The following NCAM1 variants were observed in gnomAD, a reference collection of about 807,000 sequenced individuals.
NCAM1 encodes the protein neural cell adhesion molecule 1.
In NCAM1, 14 loss-of-function variants were observed where a neutral mutation model predicts 109.8. The observed-to-expected ratio is 0.13, with a 90% CI of 0.08 to 0.20. The LOEUF is 0.20. Ranked by LOEUF, NCAM1 falls within the 10% of genes least tolerant of loss-of-function variation. NCAM1 has a pLI of 1.00. For missense variants in NCAM1, 774 were observed against 1,109.9 expected (o/e 0.70, Z 4.30); for synonymous variants, 418 against 442.9 (o/e 0.94, Z 0.70).
chr11:113,222,828 AG>A (rs1165296235), intron 9 of NCAM1, among the ~76,000 whole-genome samples: 1 of 152,202 alleles, frequency 6.6e-6, no homozygotes, highest in Non-Finnish European at 1.5e-5. Context: ...TCTGTTTTTC[AG>A]AAGTGTCCTT....
At chr11:113,127,915 CAA>C (rs1271811601) in intron 1 of NCAM1, among the ~76,000 whole-genome samples, 3 of 152,148 alleles carry the variant, frequency 2.0e-5, no homozygotes, top group Non-Finnish European at 4.4e-5. Context: ...ACCTGTCCCA[CAA>C]AGGACTGGGC....
intron 1 of NCAM1, among the ~76,000 whole-genome samples, chr11:113,135,763 G>A (rs781786519): frequency 8.5e-5 from 13 of 152,170 alleles, no homozygotes; most frequent in Admixed American, 2.0e-4. Flanking sequence ...TCCACTTACC[G>A]ATTAGACTGT....
rs570821255 is a variant in NCAM1, at chr11:113,019,748, A to G, written c.52+58084A>G. Among the ~76,000 whole-genome samples, 3 of 152,336 alleles carry G rather than the reference A, an allele frequency of 2.0e-5. No homozygotes were observed. In the East Asian group the frequency reaches 5.8e-4, roughly 29 times the overall value. ...TACAATTTCTAGTCACCATAGACAC[A>G]TAAGATTTCATATGTCCAATATAGA... On this transcript the variant is annotated intron_variant, in intron 1 of 19. Coordinates refer to ENST00000316851, the MANE Select transcript of NCAM1 (RefSeq NM_181351.5).
chr11:113,142,284 G>A (rs1555100602), intron 1 of NCAM1, among the ~76,000 whole-genome samples: 1 of 152,156 alleles, frequency 6.6e-6, no homozygotes, highest in African/African-American at 2.4e-5. Flanking sequence ...TGTCACATGA[G>A]CAGGCTTTTT....
At chr11:113,260,658 T>C (rs1945965015) in intron 17 of NCAM1, among the ~76,000 whole-genome samples, 1 of 152,182 alleles carries the variant, frequency 6.6e-6, no homozygotes, top group Non-Finnish European at 1.5e-5. Flanking sequence ...GGATCCTTTT[T>C]TGAGACCTTA....
intron 7 of NCAM1, among the ~76,000 whole-genome samples, chr11:113,210,770 TCACAAACACA>T (rs1422531645): frequency 1.2e-5 from 1 of 81,530 alleles, no homozygotes; most frequent in African/African-American, 4.6e-5. Context: ...CCCCTCTTCA[TCACAAACACA>T]CACACACACA....
chr11:112,973,296 T>C (rs1950929842), intron 1 of NCAM1, among the ~76,000 whole-genome samples: 1 of 152,124 alleles, frequency 6.6e-6, no homozygotes, highest in African/African-American at 2.4e-5. Flanking sequence ...AGGCTGCCAG[T>C]CACCAGTTAA....
At chr11:113,209,763 C>T (rs961689391) in intron 7 of NCAM1, among the ~76,000 whole-genome samples, 25 of 152,154 alleles carry the variant, frequency 1.6e-4, no homozygotes, top group East Asian at 3.8e-4. Context: ...AGATAGTCAA[C>T]GCTGGAATTT....
At chr11:113,263,911 C>T in intron 17 of NCAM1, 1 of 985,542 alleles carries the variant, frequency 1.0e-6, no homozygotes, top group Non-Finnish European at 1.2e-6. Context: ...GCCGAGCCAA[C>T]CTGTCAGTGC....
chr11:113,001,857 G>A (rs1024287062), intron 1 of NCAM1, among the ~76,000 whole-genome samples: 2 of 152,112 alleles, frequency 1.3e-5, no homozygotes, highest in African/African-American at 4.8e-5. Context: ...CGGGATACAG[G>A]TGGATAGATG....
intron 1 of NCAM1, among the ~76,000 whole-genome samples, chr11:113,114,120 G>A (rs547710004): frequency 1.3e-5 from 2 of 152,332 alleles, no homozygotes; most frequent in East Asian, 3.9e-4. Context: ...TGATTTGATG[G>A]TGGTTTTGTG....
rs531061732 is a variant in NCAM1, at chr11:113,222,962, C to G, written c.1089+1637C>G. ...TGAAGACCATAAGTCCAGATGAGTG[C>G]AAAAGAAGGCTCAGGTTATGGCCAG... On this transcript the variant is annotated intron_variant, in intron 9 of 19. Coordinates refer to ENST00000316851, the MANE Select transcript of NCAM1 (RefSeq NM_181351.5). 4.3e-4 allele frequency among the ~76,000 whole-genome samples: 65 copies of G among 152,200 alleles called. No individual in the cohort carries two copies. In the South Asian group the frequency reaches 5.4e-3, roughly 13 times the overall value.
At position 113,120,274 on chromosome 11, in the gene NCAM1, G is replaced by A. The variant is rs182856558; in HGVS notation, c.53-82105G>A. The stretch of plus-strand genomic sequence containing the variant: ...CTGGGCCATTAGCACCCTGTGGGCT[G>A]ACATTATCCAAGGGTAGTGTTAAAA... On this transcript the variant is annotated intron_variant, in intron 1 of 19. Coordinates refer to ENST00000316851, the MANE Select transcript of NCAM1 (RefSeq NM_181351.5). 7.9e-5 allele frequency among the ~76,000 whole-genome samples: 12 copies of A among 152,338 alleles called. 1 individual carries two copies. In the East Asian group the frequency reaches 2.3e-3, roughly 29 times the overall value.
At chr11:113,272,076 T>G (rs1483415407) in intron 19 of NCAM1, among the ~76,000 whole-genome samples, 200 bp downstream of exon 19, 1 of 152,060 alleles carries the variant, frequency 6.6e-6, no homozygotes. Flanking sequence ...TCGGTGGCTG[T>G]GGGTACCCTT....
intron 14 of NCAM1, among the ~76,000 whole-genome samples, chr11:113,237,934 A>G (rs1299843699): frequency 9.2e-6 from 1 of 108,814 alleles, no homozygotes; most frequent in African/African-American, 3.0e-5. Flanking sequence ...ATATAGATAT[A>G]TAGATATATA....
intron 8 of NCAM1, among the ~76,000 whole-genome samples, chr11:113,216,146 ATTTTTT>A (rs34687568): frequency 4.9e-5 from 5 of 101,504 alleles, no homozygotes; most frequent in East Asian, 5.5e-4. Context: ...CTATGATTTC[ATTTTTT>A]TTTTTTTTTT....
chr11:113,022,270 A>G (rs995077407), intron 1 of NCAM1, among the ~76,000 whole-genome samples: 16 of 152,132 alleles, frequency 1.1e-4, no homozygotes, highest in Non-Finnish European at 1.9e-4. Flanking sequence ...CTCAGAGATA[A>G]ATGTTTTGCT....
intron 1 of NCAM1, among the ~76,000 whole-genome samples, chr11:113,148,376 TTTTTTTTC>T (rs1292883859): frequency 1.0e-3 from 153 of 146,272 alleles, no homozygotes; most frequent in Non-Finnish European, 1.7e-3. Flanking sequence ...TTTTTTTTCC[TTTTTTTTC>T]TTTTTTTCTT....
intron 1 of NCAM1, among the ~76,000 whole-genome samples, chr11:113,098,937 AG>A (rs1309571376): frequency 6.6e-6 from 1 of 152,238 alleles, no homozygotes; most frequent in Non-Finnish European, 1.5e-5. Context: ...ACCATTGAAC[AG>A]GATCATTGTT....
Sources: gnomAD v4.1 joint callset for allele counts (sites outside exome capture counted in the v4.1 genomes callset) on GRCh38, gnomAD v4.1.1 for gene constraint, MANE v1.5 for transcripts, NCBI Gene and HGNC (gene_info 2026-07-23, HGNC 2026-07-21) for gene names.